Variants in RBFOX1 observed in about 807,000 individuals in gnomAD.
The protein encoded by RBFOX1 is RNA binding fox-1 homolog 1, also known as RNA binding protein fox-1 homolog 1.
In RBFOX1, 8 loss-of-function variants were observed where a neutral mutation model predicts 57.7. That is an observed-to-expected ratio of 0.14 (90% CI 0.08 to 0.25). The LOEUF (loss-of-function observed/expected upper bound fraction) is 0.25. Ranked by LOEUF, RBFOX1 falls within the 10% of genes least tolerant of loss-of-function variation. The probability of loss-of-function intolerance (pLI) is 1.00; values close to 1 mark genes in which losing one functional copy is unlikely to be tolerated. For synonymous variants in RBFOX1, 326 were observed against 222.4 expected (o/e 1.47, Z -4.15); for missense variants, 611 against 548.5 (o/e 1.11, Z -1.14).
At chr16:6,870,781 T>A (rs2060727576) in intron 3 of RBFOX1, among the ~76,000 whole-genome samples, 1 of 152,208 alleles carries the variant, frequency 6.6e-6, no homozygotes, top group Admixed American at 6.5e-5. Flanking sequence ...AACAACTGTT[T>A]CACTACTAGC....
At chr16:7,463,052 G>C (rs1599029184) in intron 4 of RBFOX1, among the ~76,000 whole-genome samples, 1 of 152,172 alleles carries the variant, frequency 6.6e-6, no homozygotes, top group South Asian at 2.1e-4. Flanking sequence ...ATCAACAACA[G>C]AAATTCATTG....
intron 4 of RBFOX1, among the ~76,000 whole-genome samples, chr16:5,919,278 A>T (rs1416814792): frequency 6.6e-6 from 1 of 152,214 alleles, no homozygotes; most frequent in Non-Finnish European, 1.5e-5. Flanking sequence ...TTAGACAGTA[A>T]ATCATGGTGT....
intron 3 of RBFOX1, among the ~76,000 whole-genome samples, chr16:6,848,044 C>T (rs190900882): frequency 6.6e-6 from 1 of 152,092 alleles, no homozygotes; most frequent in Non-Finnish European, 1.5e-5. Context: ...GTTGGCCAGG[C>T]TGGTCTCCAA....
At chr16:6,848,430 C>G (rs1354951391) in intron 3 of RBFOX1, among the ~76,000 whole-genome samples, 1 of 152,178 alleles carries the variant, frequency 6.6e-6, no homozygotes. Context: ...ACAAACACTT[C>G]TGTTGACCAC....
intron 2 of RBFOX1, among the ~76,000 whole-genome samples, chr16:6,465,301 G>C (rs1311457319): frequency 1.3e-5 from 2 of 152,180 alleles, no homozygotes; most frequent in Non-Finnish European, 2.9e-5. Context: ...TTCATAGGGA[G>C]AAGGAGGGCA....
chr16:5,716,035 GATA>G (rs1287011996), intron 3 of RBFOX1, among the ~76,000 whole-genome samples: 1 of 152,112 alleles, frequency 6.6e-6, no homozygotes, highest in Non-Finnish European at 1.5e-5. Context: ...CAGGAATAAG[GATA>G]ATATTTTAAA....
chr16:6,951,651 T>C (rs932458630), intron 3 of RBFOX1, among the ~76,000 whole-genome samples: 2 of 152,158 alleles, frequency 1.3e-5, no homozygotes, highest in Non-Finnish European at 2.9e-5. Flanking sequence ...TTCGTAAGTA[T>C]AGTATCACTT....
intron 2 of RBFOX1, among the ~76,000 whole-genome samples, chr16:6,444,836 C>G (rs564628820): frequency 1.3e-5 from 2 of 152,064 alleles, no homozygotes; most frequent in South Asian, 2.1e-4. Flanking sequence ...TTCTGAAGGG[C>G]TGGGGCTTGG....
intron 14 of RBFOX1, among the ~76,000 whole-genome samples, chr16:7,699,261 G>A (rs989710243): frequency 5.4e-5 from 5 of 92,152 alleles, no homozygotes; most frequent in Non-Finnish European, 1.0e-4. Flanking sequence ...CCTGATCTTA[G>A]CTTCCTGTAA....
chr16:5,932,515 C>G (rs759698489), intron 4 of RBFOX1, among the ~76,000 whole-genome samples: 1 of 152,234 alleles, frequency 6.6e-6, no homozygotes, highest in African/African-American at 2.4e-5. Context: ...TGCTAGACAT[C>G]TGCCCTTACA....
intron 3 of RBFOX1, among the ~76,000 whole-genome samples, chr16:6,875,947 G>A (rs1054982842): frequency 3.9e-4 from 59 of 152,254 alleles, no homozygotes; most frequent in Middle Eastern, 3.4e-3. Context: ...GCAGTGAGCT[G>A]CAATTATGTC....
intron 3 of RBFOX1, among the ~76,000 whole-genome samples, chr16:7,003,720 A>C (rs1433905495): frequency 6.6e-6 from 1 of 152,168 alleles, no homozygotes; most frequent in East Asian, 1.9e-4. Flanking sequence ...CAAACAATGT[A>C]ATTAAGTTAG....
intron 3 of RBFOX1, among the ~76,000 whole-genome samples, chr16:6,668,185 C>T (rs751667979): frequency 6.6e-5 from 10 of 152,156 alleles, no homozygotes; most frequent in Non-Finnish European, 1.0e-4. Context: ...GGATTGGAAA[C>T]AGATTGAATC....
chr16:6,691,325 T>C (rs1430240773), intron 3 of RBFOX1, among the ~76,000 whole-genome samples: 1 of 152,132 alleles, frequency 6.6e-6, no homozygotes, highest in African/African-American at 2.4e-5. Context: ...GTAATAAACA[T>C]AACTGTTTCT....
intron 2 of RBFOX1, 72 bp from the exon 3 acceptor site, chr16:6,654,531 C>T (rs1049763890): frequency 1.6e-6 from 2 of 1,232,614 alleles, no homozygotes; most frequent in African/African-American, 1.6e-5. Flanking sequence ...AACAACACCA[C>T]TGAATGTTCT....
intron 2 of RBFOX1, among the ~76,000 whole-genome samples, chr16:6,410,575 T>C (rs945678358): frequency 2.6e-5 from 4 of 152,106 alleles, no homozygotes; most frequent in Non-Finnish European, 1.5e-5. Context: ...CCTCCCAAAG[T>C]GCTGGGATTA....
At chr16:7,651,655 G>A (rs1351267258) in intron 11 of RBFOX1, among the ~76,000 whole-genome samples, 1 of 152,212 alleles carries the variant, frequency 6.6e-6, no homozygotes, top group Non-Finnish European at 1.5e-5. Flanking sequence ...TTTGGATAGA[G>A]GGTGGAGACA....
intron 3 of RBFOX1, among the ~76,000 whole-genome samples, chr16:5,827,638 G>A (rs913905037): frequency 2.6e-5 from 4 of 152,284 alleles, no homozygotes; most frequent in Non-Finnish European, 5.9e-5. Context: ...CACAGAGGGT[G>A]TGCAAAGAAA....
chr16:5,993,340 CGTGTGTGTGTGTGTGTGTGTGTGTGT>C (rs58189800), intron 4 of RBFOX1, among the ~76,000 whole-genome samples: 9 of 132,862 alleles, frequency 6.8e-5, no homozygotes, highest in African/African-American at 2.0e-4. Context: ...TAATGCTGTA[CGTGTGTGTGTGTGTGTGTGTGTGTGT>C]GTGTGTGTGT....
Sources: allele counts gnomAD v4.1 joint callset (sites outside exome capture counted in the v4.1 genomes callset), GRCh38; gene constraint gnomAD v4.1.1; transcripts MANE v1.5; gene names NCBI Gene and HGNC (gene_info 2026-07-23, HGNC 2026-07-21).